The following ABCF1 variants were observed in gnomAD, a reference collection of about 807,000 sequenced individuals.
The protein encoded by ABCF1 is ATP binding cassette subfamily F member 1, also known as ATP-binding cassette sub-family F member 1.
ABCF1 carries 73 observed loss-of-function variants against 126.3 expected under a neutral mutation model. The ratio of observed to expected loss-of-function variants is 0.58; its 90% CI spans 0.48 to 0.70. The LOEUF (loss-of-function observed/expected upper bound fraction) is 0.70, where lower values mean the gene tolerates loss of function less well. Among genes scored for constraint, ABCF1 ranks in the 30% least tolerant of loss-of-function variants. The probability of loss-of-function intolerance (pLI) is 0.00; values close to 1 mark genes in which losing one functional copy is unlikely to be tolerated. For synonymous variants in ABCF1, 345 were observed against 396.4 expected (o/e 0.87, Z 1.54); for missense variants, 786 against 1,057.5 (o/e 0.74, Z 3.56).
rs1801975341 is a variant in ABCF1 at position 30,584,066 on chromosome 6, T to A, written c.1103-126T>A. The A allele has an allele frequency of 3.5e-6, 5 of 1,431,864 alleles. No individual in the cohort carries two copies. The highest frequency in any genetic ancestry group is 4.7e-6 in the Non-Finnish European group (5 of 1,060,700). The allele number at this position is 1,431,864 out of a possible 1,614,324, so 88.7% of individuals were successfully genotyped here. A position where few individuals can be genotyped will look rare whatever the true frequency, so the allele number is the denominator to read the frequency against. ...GGAGGGTCAATGAGGAACTTGAGAG[T>A]GTTTTATTTGGAACAAGTACAAAGA... On this transcript the variant is annotated intron_variant, in intron 12 of 24. Coordinates refer to ENST00000326195, the MANE Select transcript of ABCF1 (RefSeq NM_001025091.2). This position sits in a 1 kb window ranked among gnomAD's most constrained non-coding sequence, Gnocchi z 4.6.
chr6:30,578,214 GA>G lies in ABCF1; in HGVS notation c.343+13del. On this transcript the variant is annotated intron_variant, in intron 4 of 24. Coordinates refer to ENST00000326195, the MANE Select transcript of ABCF1 (RefSeq NM_001025091.2). Reference sequence around the variant, plus strand: ...TGAGGAGGATGAAGGTAAATGACCTGAGGGGGAATGGGTACCTGGAATCCAT... The same window carrying G: ...TGAGGAGGATGAAGGTAAATGACCTGGGGGGAATGGGTACCTGGAATCCAT... 6.2e-7 allele frequency: 1 copy of G among 1,613,814 alleles called. No homozygotes were observed. Among genetic ancestry groups the G allele is most frequent in the African/African-American group, 1.3e-5 (1 of 74,948 alleles).
chr6:30,585,511 T>C (rs1276309447), intron 15 of ABCF1, 47 bp from the exon 16 acceptor site: 1 of 1,611,566 alleles, frequency 6.2e-7, no homozygotes, highest in African/African-American at 1.3e-5. Context: ...CTGAATTCTC[T>C]CTCACTTGAC....
At chr6:30,571,599 AAGAG>A in intron 1 of ABCF1, 39 bp downstream of exon 1, 1 of 1,590,092 alleles carries the variant, frequency 6.3e-7, no homozygotes, top group Non-Finnish European at 8.6e-7. Context: ...GCAGAGGGGG[AAGAG>A]AGAGGAGACT....
chr6:30,590,019 C>A (rs761829869), intron 22 of ABCF1, 45 bp downstream of exon 22: 5 of 1,607,732 alleles, frequency 3.1e-6, no homozygotes, highest in Admixed American at 1.7e-5. Flanking sequence ...CCTTATCATT[C>A]ATGTCTACAA....
Position 30,591,239 on chromosome 6 carries a change from G to A in ABCF1, c.*538G>A, listed in dbSNP as rs948432500. On this transcript the variant is annotated 3_prime_UTR_variant, in exon 25 of 25. Coordinates refer to ENST00000326195, the MANE Select transcript of ABCF1 (RefSeq NM_001025091.2). ...CCTCTTGTCTGGTTGAGGACTTGGG[G>A]CAGGAAAGGAATGCTGCTGAACTTG... 4 of 153,240 alleles carry A rather than the reference G, an allele frequency of 2.6e-5. No individual in the cohort carries two copies. Among genetic ancestry groups the A allele is most frequent in the African/African-American group, 9.6e-5 (4 of 41,522 alleles). The allele number at this position is 153,240 out of a possible 1,614,324, so 9.5% of individuals were successfully genotyped here.
rs1801952247 is a variant in ABCF1, at chr6:30,583,739, A to T, written c.1016+31A>T. 6.2e-7 allele frequency: 1 copy of T among 1,613,588 alleles called. No homozygotes were observed. Among genetic ancestry groups the T allele is most frequent in the African/African-American group, 1.3e-5 (1 of 75,014 alleles). Reference sequence around the variant, plus strand: ...AAGAGGAGGGAGCTGGAGGCAAAAAAGGGCCTGGAGGGAAAAGAAGAGATT... The same window carrying T: ...AAGAGGAGGGAGCTGGAGGCAAAAATGGGCCTGGAGGGAAAAGAAGAGATT... On this transcript the variant is annotated intron_variant, in intron 11 of 24. Transcript: ENST00000326195. This position sits in a 1 kb window ranked among gnomAD's most constrained non-coding sequence, Gnocchi z 4.1.
In ABCF1 at chr6:30,582,376, A is replaced by AT. The variant is rs1801866642; in HGVS notation, c.679-17dup. 1 of 1,547,598 alleles carries AT rather than the reference A, an allele frequency of 6.5e-7. No individual in the cohort carries two copies. Among genetic ancestry groups the AT allele is most frequent in the Non-Finnish European group, 8.9e-7 (1 of 1,126,554 alleles). Reference sequence around the variant, plus strand: ...CAGCCAGGAGTCCCTAGTTTTGACCATCCCCGGGTTCTCACAGGGTTCAGA... The same window carrying AT: ...CAGCCAGGAGTCCCTAGTTTTGACCATTCCCCGGGTTCTCACAGGGTTCAGA... On this transcript the variant is annotated splice_polypyrimidine_tract_variant and intron_variant, in intron 8 of 24. Coordinates refer to ENST00000326195, the MANE Select transcript of ABCF1 (RefSeq NM_001025091.2).
At chr6:30,588,187 C>T (rs978686135) in intron 20 of ABCF1, among the ~76,000 whole-genome samples, 6 of 152,138 alleles carry the variant, frequency 3.9e-5, no homozygotes, top group Non-Finnish European at 7.4e-5. Context: ...AGGCGTGAGC[C>T]ACCGCTCCCA....
Position 30,578,368 on chromosome 6 carries a change from G to C in ABCF1, c.364G>C (p.Gly122Arg). The C allele has an allele frequency of 6.2e-7, 1 of 1,614,014 alleles. No homozygotes were observed. Among genetic ancestry groups the C allele is most frequent in the Middle Eastern group, 1.6e-4 (1 of 6,062 alleles). Reference sequence around the variant, plus strand: ...TTCAGTACCCGCCCCAAAACCCCGCGGAGGGAAGAAAACCAAGGTAAGCCA... The same window carrying C: ...TTCAGTACCCGCCCCAAAACCCCGCCGAGGGAAGAAAACCAAGGTAAGCCA... ...EDEVPAPKPR[G>R]GKKTKGGNVF... Residue 122 changes from glycine to arginine, a missense_variant, in exon 5 of 25, where the codon GGA (glycine) becomes CGA (arginine). Physicochemically the swap from Gly to Arg is moderately radical, Grantham distance 125. Coordinates refer to ENST00000326195, the MANE Select transcript of ABCF1 (RefSeq NM_001025091.2).
intron 1 of ABCF1, among the ~76,000 whole-genome samples, chr6:30,576,075 TAAAA>T (rs35364261): frequency 4.1e-5 from 5 of 120,814 alleles, no homozygotes; most frequent in African/African-American, 9.1e-5. Context: ...CCCTGTCTCT[TAAAA>T]AAAAAAAAAA....
Position 30,586,058 on chromosome 6 carries a change from ACT to A in ABCF1, c.1713+70_1713+71del. The A allele has an allele frequency of 3.1e-6, 5 of 1,589,062 alleles. No individual in the cohort carries two copies. Among genetic ancestry groups the A allele is most frequent in the Non-Finnish European group, 4.3e-6 (5 of 1,168,802 alleles). ...CTCCTGGCAGTGGAGGAAGAAGGAG[ACT>A]CTGGAACGCTGGCCTACATTTCAAG... On this transcript the variant is annotated intron_variant, in intron 17 of 24. Coordinates refer to ENST00000326195, the MANE Select transcript of ABCF1 (RefSeq NM_001025091.2). The surrounding 1 kb of genome is among the most constrained non-coding windows in gnomAD (Gnocchi z 4.9).
chr6:30,590,136 T>C lies in ABCF1; in HGVS notation c.2234-13T>C. On this transcript the variant is annotated splice_polypyrimidine_tract_variant and intron_variant, in intron 22 of 24. Coordinates refer to ENST00000326195, the MANE Select transcript of ABCF1 (RefSeq NM_001025091.2). ...GTGCTAGGTGTGACAGCCCTCCCCT[T>C]CCTTTGCTACAGGTGGTCAGAAGGC... The C allele has an allele frequency of 6.2e-7, 1 of 1,613,050 alleles. No individual in the cohort carries two copies. Among genetic ancestry groups the C allele is most frequent in the Non-Finnish European group, 8.5e-7 (1 of 1,180,020 alleles).
chr6:30,571,645 G>C (rs1582562223), intron 1 of ABCF1, 85 bp downstream of exon 1: 7 of 1,442,988 alleles, frequency 4.9e-6, no homozygotes, highest in Non-Finnish European at 6.7e-6. Context: ...CATGGGGCAC[G>C]AGACTGACCG....
rs763279732 is a variant in ABCF1 at position 30,584,611 on chromosome 6, C to T, written c.1391+45C>T. Reference sequence around the variant, plus strand: ...GCCCTCCCTTCCAGCCTCAGACCACCGGGGCCCTTTTCCTCTTTCCCTTCT... The same window carrying T: ...GCCCTCCCTTCCAGCCTCAGACCACTGGGGCCCTTTTCCTCTTTCCCTTCT... On this transcript the variant is annotated intron_variant, in intron 14 of 24. Coordinates refer to ENST00000326195, the MANE Select transcript of ABCF1 (RefSeq NM_001025091.2). This position sits in a 1 kb window ranked among gnomAD's most constrained non-coding sequence, Gnocchi z 4.6. 15 of 1,538,846 alleles carry T rather than the reference C, an allele frequency of 9.7e-6. No individual in the cohort carries two copies. Among genetic ancestry groups the T allele is most frequent in the East Asian group, 4.5e-5 (2 of 44,298 alleles).
rs1450065306 is a variant in ABCF1, at chr6:30,590,904, C to G, written c.*203C>G. On this transcript the variant is annotated 3_prime_UTR_variant, in exon 25 of 25. Transcript: ENST00000326195. ...TCTGAAAGACTTGTTTGTTCTGCTT[C>G]TCTTCATATAACTGAGCTGGCCTTA... 1.8e-6 allele frequency: 1 copy of G among 555,942 alleles called. No individual in the cohort carries two copies. The highest frequency in any genetic ancestry group is 1.9e-5 in the African/African-American group (1 of 52,344). 34.4% of individuals were successfully genotyped at this position (555,942 alleles called of 1,614,324 possible).
rs762701264 is a variant in ABCF1 at position 30,578,541 on chromosome 6, T to C, written c.453T>C (p.Pro151=). The change falls in exon 6 of 25, where the codon CCT becomes CCC. Residue 151 remains proline (P), a synonymous_variant. Transcript: ENST00000326195. ...EEEEEEEKHP[P]KPAKPEKNRI... ...AGGAGGAGGAAGAAAAACATCCTCC[T>C]AAGCCTGCCAAGCCGGAGAAGAATC... 2 of 1,613,150 alleles carry C rather than the reference T, an allele frequency of 1.2e-6. No individual in the cohort carries two copies. The highest frequency in any genetic ancestry group is 1.3e-5 in the African/African-American group (1 of 74,820).
chr6:30,587,622 C>A (rs1310360605), intron 20 of ABCF1, among the ~76,000 whole-genome samples: 10 of 149,812 alleles, frequency 6.7e-5, no homozygotes, highest in Middle Eastern at 3.3e-3. Flanking sequence ...GCAACAAGAG[C>A]AAAACTCCGT....
At chr6:30,577,708 A>T in intron 2 of ABCF1, 110 bp from the exon 3 acceptor site, 2 of 1,070,970 alleles carry the variant, frequency 1.9e-6, no homozygotes, top group Non-Finnish European at 2.8e-6. Flanking sequence ...GAGAGACAGG[A>T]GGTAAGGTGA....
chr6:30,576,378 C>T (rs1049158438), intron 1 of ABCF1, among the ~76,000 whole-genome samples: 2 of 149,932 alleles, frequency 1.3e-5, no homozygotes, highest in African/African-American at 4.9e-5. Flanking sequence ...ACCTCCGCCT[C>T]CTGGGTTCAA....
Sources: allele counts gnomAD v4.1 joint callset (sites outside exome capture counted in the v4.1 genomes callset), GRCh38; gene constraint gnomAD v4.1.1; non-coding constraint Gnocchi (gnomAD v3.1); transcripts MANE v1.5; gene names NCBI Gene and HGNC (gene_info 2026-07-23, HGNC 2026-07-21).